The following ACAD10 variants were observed in gnomAD, a reference collection of about 807,000 sequenced individuals.
The protein encoded by ACAD10 is ACAD-10.
Under a neutral mutation model 116.8 loss-of-function variants are expected in ACAD10, and 112 were observed. The observed-to-expected ratio is 0.96, with a 90% CI of 0.82 to 1.12. The LOEUF (loss-of-function observed/expected upper bound fraction) is 1.12, where lower values mean the gene tolerates loss of function less well. Ranked by LOEUF, ACAD10 falls within the 50% of genes most tolerant of loss-of-function variation. ACAD10 has a pLI of 0.00. For synonymous variants in ACAD10, 486 were observed against 510.6 expected, an observed-to-expected ratio of 0.95 and a Z score of 0.65; for missense variants, 1,259 against 1,350.2, an observed-to-expected ratio of 0.93 and a Z score of 1.06.
At chr12:111,736,587 A>C (rs1230991948) in intron 11 of ACAD10, among the ~76,000 whole-genome samples, 2 of 152,174 alleles carry the variant, frequency 1.3e-5, no homozygotes, top group Non-Finnish European at 2.9e-5. Flanking sequence ...GGAAGCTCCC[A>C]TTCCTTCCTT....
intron 1 of ACAD10, among the ~76,000 whole-genome samples, chr12:111,688,567 C>T (rs950358650): frequency 3.3e-5 from 5 of 151,854 alleles, no homozygotes; most frequent in Admixed American, 6.6e-5. Context: ...TTTGGGAGGC[C>T]GAGGCCGGTG....
intron 17 of ACAD10, 85 bp downstream of exon 17, chr12:111,748,560 A>T: frequency 4.1e-6 from 6 of 1,469,398 alleles, no homozygotes; most frequent in South Asian, 1.2e-5. Flanking sequence ...CTTGTTCAGG[A>T]CTTGCCACAT....
At chr12:111,711,240 G>A (rs552051881) in intron 5 of ACAD10, among the ~76,000 whole-genome samples, 4 of 152,126 alleles carry the variant, frequency 2.6e-5, no homozygotes, top group South Asian at 2.1e-4. Flanking sequence ...TCATTCTGTC[G>A]CCCAGGCTGG....
intron 11 of ACAD10, among the ~76,000 whole-genome samples, chr12:111,734,599 G>C (rs1755191982): frequency 1.3e-5 from 2 of 152,076 alleles, no homozygotes. Context: ...ACTCCAGCCT[G>C]GGCAACAGGG....
At chr12:111,698,198 A>G (rs914059198) in intron 2 of ACAD10, among the ~76,000 whole-genome samples, 3 of 148,654 alleles carry the variant, frequency 2.0e-5, no homozygotes, top group Non-Finnish European at 3.0e-5. Context: ...GGGTTTCACC[A>G]TGTTGGCCAG....
chr12:111,738,701 T>C (rs1442007298), intron 12 of ACAD10, among the ~76,000 whole-genome samples: 1 of 151,826 alleles, frequency 6.6e-6, no homozygotes, highest in East Asian at 1.9e-4. Flanking sequence ...ACCACATCTC[T>C]ACTAAAAATA....
chr12:111,753,320 T>C (rs1197729590), intron 18 of ACAD10: 2 of 361,898 alleles, frequency 5.5e-6, no homozygotes, highest in Non-Finnish European at 1.1e-5. Context: ...CTTGCTCCCA[T>C]TGGAGCTGCA....
intron 8 of ACAD10, among the ~76,000 whole-genome samples, chr12:111,724,804 C>T (rs1313800327): frequency 1.3e-5 from 2 of 148,502 alleles, no homozygotes; most frequent in African/African-American, 5.1e-5. Flanking sequence ...GAGGGGAGAC[C>T]GTGGAAAGAG....
intron 10 of ACAD10, among the ~76,000 whole-genome samples, chr12:111,733,242 C>T (rs967927218): frequency 2.6e-5 from 4 of 152,146 alleles, no homozygotes; most frequent in African/African-American, 4.8e-5. Context: ...GGACTACAGG[C>T]GTGCACTACC....
At chr12:111,705,655 A>T in intron 3 of ACAD10, 83 bp from the exon 4 acceptor site, 6 of 1,323,050 alleles carry the variant, frequency 4.5e-6, no homozygotes, top group Non-Finnish European at 6.3e-6. Flanking sequence ...GACGCCAGGA[A>T]TAAGCATTTT....
intron 10 of ACAD10, among the ~76,000 whole-genome samples, chr12:111,733,628 G>C (rs149411203): frequency 8.3e-4 from 127 of 152,308 alleles, no homozygotes; most frequent in African/African-American, 2.9e-3. Context: ...ATCACAGGGA[G>C]GGAGTAATTC....
intron 10 of ACAD10, among the ~76,000 whole-genome samples, chr12:111,730,555 T>C (rs528033330): frequency 5.1e-4 from 78 of 151,566 alleles, no homozygotes; most frequent in Non-Finnish European, 8.7e-4. Context: ...CTTTATCTTA[T>C]CATCTCTTGC....
chr12:111,725,886 A>G (rs865901626), intron 8 of ACAD10, among the ~76,000 whole-genome samples: 1 of 152,136 alleles, frequency 6.6e-6, no homozygotes, highest in Non-Finnish European at 1.5e-5. Context: ...CAATTATTTA[A>G]TAATAATACT....
chr12:111,730,895 G>T lies in ACAD10; in HGVS notation c.1394+939G>T, dbSNP rs374163722. Among the ~76,000 whole-genome samples the T allele has an allele frequency of 9.2e-5, 14 of 152,098 alleles. No individual in the cohort carries two copies. In the East Asian group the frequency reaches 1.5e-3, roughly 17 times the overall value. The stretch of plus-strand genomic sequence containing the variant: ...GCCTCCCGAGCAGCTGGGATTACAG[G>T]TGTGCACCACCATGTGTGGCTAACT... On this transcript the variant is annotated intron_variant, in intron 10 of 20. Transcript: ENST00000313698.
chr12:111,692,763 A>G lies in ACAD10; in HGVS notation c.54A>G (p.Thr18=). The G allele has an allele frequency of 1.9e-6, 3 of 1,614,212 alleles. No individual in the cohort carries two copies. The highest frequency in any genetic ancestry group is 2.5e-6 in the Non-Finnish European group (3 of 1,180,040). ...QSPRLQWVWR[T]AFLKHTQRRH... is the part of the protein sequence containing the mutation. The stretch of plus-strand genomic sequence containing the variant: ...CCCGTCTCCAGTGGGTGTGGAGAAC[A>G]GCCTTCCTGAAACACACCCAGCGCA... The change falls in exon 2 of 21, where the codon ACA becomes ACG. Residue 18 remains threonine (T), a synonymous_variant. Transcript: ENST00000313698.
At chr12:111,748,678 T>C in intron 17 of ACAD10, 1 of 661,186 alleles carries the variant, frequency 1.5e-6, no homozygotes, top group Non-Finnish European at 2.5e-6. Flanking sequence ...TTTATGGATT[T>C]TTTTCCCTCT....
At position 111,748,399 on chromosome 12, in the gene ACAD10, G is replaced by A; in HGVS notation, c.2568G>A (p.Val856=). The change falls in exon 17 of 21, where the codon GTG becomes GTA. Residue 856 remains valine, a synonymous_variant. Transcript: ENST00000313698. ...PHAPRHRQQS[V]LLVPMDTPGI... ...CACCAAGACACCGGCAGCAGTCTGT[G>A]CTCTTGGTTCCCATGGATACCCCAG... is the stretch of plus-strand genomic sequence containing the variant. 6.2e-7 allele frequency: 1 copy of A among 1,614,148 alleles called. No homozygotes were observed. Among genetic ancestry groups the A allele is most frequent in the Non-Finnish European group, 8.5e-7 (1 of 1,180,026 alleles).
intron 2 of ACAD10, among the ~76,000 whole-genome samples, chr12:111,695,032 TAATA>T (rs1888157253): frequency 6.6e-6 from 1 of 152,068 alleles, no homozygotes; most frequent in Admixed American, 6.6e-5. Flanking sequence ...TGTCACAAAA[TAATA>T]AATAAAATAA....
At chr12:111,730,355 C>A (rs557698280) in intron 10 of ACAD10, among the ~76,000 whole-genome samples, 1 of 152,124 alleles carries the variant, frequency 6.6e-6, no homozygotes, top group African/African-American at 2.4e-5. Flanking sequence ...TGAACAGGCC[C>A]GATCTCATCT....
Sources: gnomAD v4.1 joint callset for allele counts (sites outside exome capture counted in the v4.1 genomes callset) on GRCh38, gnomAD v4.1.1 for gene constraint, MANE v1.5 for transcripts, NCBI Gene and HGNC (gene_info 2026-07-23, HGNC 2026-07-21) for gene names.